Variants in CRB1 observed in about 807,000 individuals in gnomAD.
The protein encoded by CRB1 is crumbs cell polarity complex component 1, also known as protein crumbs homolog 1.
Under a neutral mutation model 120.0 loss-of-function variants are expected in CRB1, and 83 were observed. That is an observed-to-expected ratio of 0.69 (90% CI 0.58 to 0.83). The LOEUF (loss-of-function observed/expected upper bound fraction) is 0.83, where lower values mean the gene tolerates loss of function less well. Ranked by LOEUF, CRB1 falls within the 40% of genes least tolerant of loss-of-function variation. The probability of loss-of-function intolerance (pLI) is 0.00; values close to 1 mark genes in which losing one functional copy is unlikely to be tolerated. For synonymous variants in CRB1, 625 were observed against 612.5 expected (o/e 1.02, Z -0.30); for missense variants, 1,699 against 1,687.6 (o/e 1.01, Z -0.12).
At chr1:197,321,911 T>C (rs577933799) in intron 1 of CRB1, among the ~76,000 whole-genome samples, 6 of 152,176 alleles carry the variant, frequency 3.9e-5, no homozygotes, top group South Asian at 4.1e-4. Context: ...GATATTTTTA[T>C]TCATGGCTAC....
At chr1:197,202,842 T>A in the CRB1 span, among the ~76,000 whole-genome samples, 2 of 152,164 alleles carry the variant, frequency 1.3e-5, no homozygotes, top group Admixed American at 6.5e-5. Context: ...AGGTCACATC[T>A]CATGAGACAA....
chr1:197,202,035 G>C, the CRB1 span, among the ~76,000 whole-genome samples: 8 of 152,186 alleles, frequency 5.3e-5, no homozygotes, highest in African/African-American at 1.9e-4. Context: ...ATTTATCTGC[G>C]GACTCGTATT....
chr1:197,369,558 C>A (rs1002073006), intron 5 of CRB1, among the ~76,000 whole-genome samples: 6 of 152,168 alleles, frequency 3.9e-5, no homozygotes, highest in Admixed American at 3.3e-4. Context: ...TTAGTCATTA[C>A]TTAGGAAACA....
chr1:197,283,622 G>A (rs562204542), intron 1 of CRB1, among the ~76,000 whole-genome samples: 1 of 151,672 alleles, frequency 6.6e-6, no homozygotes, highest in Non-Finnish European at 1.5e-5. Flanking sequence ...TATCTATCTA[G>A]ATGGATAGAT....
intron 5 of CRB1, among the ~76,000 whole-genome samples, chr1:197,368,495 C>A (rs1159179264): frequency 6.6e-6 from 1 of 152,112 alleles, no homozygotes; most frequent in Non-Finnish European, 1.5e-5. Context: ...AGGTATACCA[C>A]GTTATACATA....
intron 5 of CRB1, among the ~76,000 whole-genome samples, chr1:197,415,687 G>C (rs1197654455): frequency 7.5e-6 from 1 of 133,940 alleles, no homozygotes; most frequent in African/African-American, 2.9e-5. Flanking sequence ...CTGTCGCCCA[G>C]GCTGGAGTGC....
At chr1:197,417,503 TAAAG>T (rs1204839446) in intron 5 of CRB1, among the ~76,000 whole-genome samples, 1 of 151,992 alleles carries the variant, frequency 6.6e-6, no homozygotes, top group Non-Finnish European at 1.5e-5. Context: ...AAAGAGTTGA[TAAAG>T]AAGGAAGAAG....
intron 1 of CRB1, among the ~76,000 whole-genome samples, chr1:197,291,607 TA>T (rs1656187476): frequency 6.6e-6 from 1 of 151,820 alleles, no homozygotes; most frequent in Non-Finnish European, 1.5e-5. Flanking sequence ...AAAGCAAAAT[TA>T]GTTAGAGATT....
the CRB1 span, chr1:197,222,227 T>A: frequency 4.0e-6 from 2 of 499,172 alleles, no homozygotes; most frequent in African/African-American, 1.9e-5. Flanking sequence ...GCACCATGAT[T>A]GTGTTTGCCG....
rs752719776 is a variant in CRB1 at position 197,435,145 on chromosome 1, A to T, written c.3282A>T (p.Gln1094His). 1 of 1,613,918 alleles carries T rather than the reference A, an allele frequency of 6.2e-7. No individual in the cohort carries two copies. The highest frequency in any genetic ancestry group is 8.5e-7 in the Non-Finnish European group (1 of 1,179,850). Residue 1094 changes from glutamine (Q) to histidine (H), a missense_variant, in exon 9 of 12, where the codon CAA (glutamine) becomes CAT (histidine). Gln to His is a conservative substitution (Grantham distance 24). Transcript: ENST00000367400. The stretch of plus-strand genomic sequence containing the variant: ...CTATTGACAATATAAAGGGCCTGCA[A>T]GGGTGTCTAAGTACAATAGAAATCG... ...DRAIDNIKGLQGCLSTIEIGG... is the reference protein window; with the variant it reads ...DRAIDNIKGLHGCLSTIEIGG...
intron 4 of CRB1, among the ~76,000 whole-genome samples, chr1:197,348,027 G>A (rs1212214396): frequency 6.6e-6 from 1 of 152,140 alleles, no homozygotes; most frequent in East Asian, 1.9e-4. Flanking sequence ...ACAGGCCATA[G>A]GCAAATATTG....
the CRB1 span, among the ~76,000 whole-genome samples, chr1:197,219,090 A>G: frequency 6.6e-6 from 1 of 152,218 alleles, no homozygotes; most frequent in Non-Finnish European, 1.5e-5. Context: ...TGGCCACTGA[A>G]AAGGCTCATA....
chr1:197,263,160 T>C, the CRB1 span, among the ~76,000 whole-genome samples: 1 of 152,198 alleles, frequency 6.6e-6, no homozygotes, highest in Non-Finnish European at 1.5e-5. Context: ...TGTGTAAGTG[T>C]TCCCTTTATC....
chr1:197,393,089 T>C (rs1019911255), intron 5 of CRB1, among the ~76,000 whole-genome samples: 3 of 152,232 alleles, frequency 2.0e-5, no homozygotes, highest in African/African-American at 7.2e-5. Flanking sequence ...TAGTTAGGGC[T>C]GTTAATCAAA....
chr1:197,429,880 G>A (rs1664792840), intron 8 of CRB1, among the ~76,000 whole-genome samples: 1 of 152,062 alleles, frequency 6.6e-6, no homozygotes, highest in Non-Finnish European at 1.5e-5. Flanking sequence ...GAATTAACAA[G>A]GCAATATTTG....
intron 2 of CRB1, among the ~76,000 whole-genome samples, chr1:197,334,011 G>A (rs937364872): frequency 6.6e-6 from 1 of 152,208 alleles, no homozygotes; most frequent in Non-Finnish European, 1.5e-5. Flanking sequence ...AACTTAATAA[G>A]CTTACAATGT....
chr1:197,382,917 T>C (rs559490816), intron 5 of CRB1, among the ~76,000 whole-genome samples: 1 of 152,294 alleles, frequency 6.6e-6, no homozygotes, highest in South Asian at 2.1e-4. Context: ...CTAACCTCAC[T>C]GACCTCTCAG....
intron 6 of CRB1, among the ~76,000 whole-genome samples, chr1:197,426,083 CT>C (rs1558130139): frequency 6.6e-6 from 1 of 151,878 alleles, no homozygotes; most frequent in African/African-American, 2.4e-5. Flanking sequence ...ACCCAAAAAT[CT>C]TTTCCTCCAG....
chr1:197,426,184 G>A (rs1354451238), intron 6 of CRB1, among the ~76,000 whole-genome samples: 3 of 151,888 alleles, frequency 2.0e-5, no homozygotes, highest in African/African-American at 7.3e-5. Flanking sequence ...AGAAAATTCT[G>A]TTGTATCTAC....
Sources: allele counts gnomAD v4.1 joint callset (sites outside exome capture counted in the v4.1 genomes callset), GRCh38; gene constraint gnomAD v4.1.1; transcripts MANE v1.5; gene names NCBI Gene and HGNC (gene_info 2026-07-23, HGNC 2026-07-21).